The following ADCY7 variants were observed in gnomAD, a reference collection of about 807,000 sequenced individuals.
ADCY7 encodes adenylate cyclase type 7.
A neutral mutation model predicts 120.6 loss-of-function variants in ADCY7; 72 were observed. The ratio of observed to expected loss-of-function variants is 0.60; its 90% CI spans 0.49 to 0.73. The LOEUF is 0.73. ADCY7 is among the 30% of genes least tolerant of loss of function. The probability of loss-of-function intolerance (pLI) is 0.00; values close to 1 mark genes in which losing one functional copy is unlikely to be tolerated. For synonymous variants in ADCY7, 661 were observed against 628.0 expected (o/e 1.05, Z -0.78); for missense variants, 1,227 against 1,486.0 (o/e 0.83, Z 2.87).
intron 1 of ADCY7, among the ~76,000 whole-genome samples, chr16:50,247,644 T>G (rs536290745): frequency 7.4e-5 from 11 of 148,484 alleles, no homozygotes; most frequent in Non-Finnish European, 1.5e-5. Context: ...CCTCCCAAAG[T>G]GCTGAGATTA....
chr16:50,311,973 A>G, intron 20 of ADCY7, 63 bp from the exon 21 acceptor site: 1 of 1,602,022 alleles, frequency 6.2e-7, no homozygotes, highest in Non-Finnish European at 8.5e-7. Context: ...TGGCTAGGAG[A>G]TGCACAGCAG....
chr16:50,265,342 T>G (rs12923916), upstream of ADCY7, among the ~76,000 whole-genome samples: 4 of 152,056 alleles, frequency 2.6e-5, no homozygotes, highest in Admixed American at 6.5e-5. Context: ...CACTCCCTCC[T>G]GTGGCCTCTG....
chr16:50,315,451 G>A lies in ADCY7; in HGVS notation c.3189G>A (p.Arg1063=), dbSNP rs2036757933. Residue 1063 remains arginine, a synonymous_variant, in exon 26 of 26, where the codon AGG becomes AGA. Transcript: ENST00000673801. ...ACGTCAAAGGCAAAGGCGAGCTGAG[G>A]ACTTACTTTGTCTGTACGGACACTG... is the stretch of plus-strand genomic sequence containing the variant. The part of the protein sequence containing the change: ...LINVKGKGEL[R]TYFVCTDTAK... 1 of 1,614,056 alleles carries A rather than the reference G, an allele frequency of 6.2e-7. No individual in the cohort carries two copies. Among genetic ancestry groups the A allele is most frequent in the Admixed American group, 1.7e-5 (1 of 60,002 alleles).
chr16:50,282,992 A>G (rs2034370818), intron 1 of ADCY7, among the ~76,000 whole-genome samples: 1 of 152,076 alleles, frequency 6.6e-6, no homozygotes, highest in Non-Finnish European at 1.5e-5. Flanking sequence ...GGAAAGTGTG[A>G]TGGAGGGATG....
intron 1 of ADCY7, among the ~76,000 whole-genome samples, chr16:50,276,035 C>T (rs1442502702): frequency 6.6e-6 from 1 of 152,322 alleles, no homozygotes; most frequent in African/African-American, 2.4e-5. Context: ...GGTACTGTGC[C>T]GTCTCCTGCC....
chr16:50,294,807 C>A (rs1272162820), intron 7 of ADCY7, 56 bp downstream of exon 7: 8 of 1,261,314 alleles, frequency 6.3e-6, no homozygotes, highest in Non-Finnish European at 9.1e-6. Flanking sequence ...CCTATTACAC[C>A]CCAGGGGTGT....
chr16:50,249,445 AAACAAC>A (rs57815436), intron 1 of ADCY7, among the ~76,000 whole-genome samples: 32 of 150,166 alleles, frequency 2.1e-4, no homozygotes, highest in South Asian at 8.6e-4. Context: ...ACTCCGTCTA[AAACAAC>A]AACAACAACA....
At chr16:50,267,165 C>T (rs1596812253) in intron 1 of ADCY7, among the ~76,000 whole-genome samples, 2 of 152,226 alleles carry the variant, frequency 1.3e-5, no homozygotes, top group Non-Finnish European at 2.9e-5. Context: ...GGTCAGGAAA[C>T]CAAGATGCCT....
chr16:50,308,289 G>A (rs2036212981), intron 15 of ADCY7, 38 bp from the exon 16 acceptor site: 2 of 1,613,966 alleles, frequency 1.2e-6, no homozygotes, highest in Admixed American at 1.7e-5. Flanking sequence ...CTGGGCAGAA[G>A]GCCCTAGGCA....
intron 5 of ADCY7, among the ~76,000 whole-genome samples, 169 bp downstream of exon 5, chr16:50,292,994 C>T (rs1034394079): frequency 2.0e-5 from 3 of 152,126 alleles, no homozygotes; most frequent in Non-Finnish European, 4.4e-5. Context: ...GCCTGCTGAC[C>T]CTTGACTCTG....
chr16:50,309,805 C>T (rs928004937), intron 18 of ADCY7, among the ~76,000 whole-genome samples, 159 bp downstream of exon 18: 1 of 152,210 alleles, frequency 6.6e-6, no homozygotes, highest in African/African-American at 2.4e-5. Flanking sequence ...AGCAGGGTCC[C>T]ATGGGCCCAG....
At chr16:50,306,295 C>T (rs1490032685) in intron 14 of ADCY7, among the ~76,000 whole-genome samples, 1 of 148,314 alleles carries the variant, frequency 6.7e-6, no homozygotes, top group Non-Finnish European at 1.5e-5. Flanking sequence ...CCTCGGCACC[C>T]ACATTATATA....
intron 1 of ADCY7, among the ~76,000 whole-genome samples, chr16:50,256,119 A>G (rs1158838817): frequency 6.6e-6 from 1 of 152,206 alleles, no homozygotes; most frequent in African/African-American, 2.4e-5. Flanking sequence ...CATGGCAAAG[A>G]AAACAGGTAA....
intron 2 of ADCY7, 92 bp from the exon 3 acceptor site, chr16:50,290,365 G>GT: frequency 1.4e-6 from 2 of 1,409,092 alleles, no homozygotes; most frequent in Non-Finnish European, 2.0e-6. Context: ...GGAGGAAGCT[G>GT]TAAGTGAGGC....
chr16:50,260,394 A>G (rs533061427), intron 1 of ADCY7, among the ~76,000 whole-genome samples: 37 of 152,292 alleles, frequency 2.4e-4, no homozygotes, highest in African/African-American at 8.7e-4. Flanking sequence ...GGAGAAAGAG[A>G]GGACTTGAGA....
chr16:50,288,493 T>C lies in ADCY7; in HGVS notation c.171+143T>C, dbSNP rs2034724843. The C allele has an allele frequency of 3.0e-6, 3 of 1,002,400 alleles. No individual in the cohort carries two copies. In the East Asian group the frequency reaches 8.5e-5, roughly 29 times the overall value. The allele number at this position is 1,002,400 out of a possible 1,614,324, so 62.1% of individuals were successfully genotyped here. ...TTGTTTTGTTTTGTTTTTGGGTTTT[T>C]TTGAGACAGAGTCTCACTCTGTCAC... is the stretch of plus-strand genomic sequence containing the variant. On this transcript the variant is annotated intron_variant, in intron 2 of 25. Coordinates refer to ENST00000673801, the MANE Select transcript of ADCY7 (RefSeq NM_001114.5).
chr16:50,285,611 G>A (rs1288937617), intron 1 of ADCY7, among the ~76,000 whole-genome samples: 7 of 152,194 alleles, frequency 4.6e-5, no homozygotes, highest in African/African-American at 7.2e-5. Flanking sequence ...GAGCTGTCCC[G>A]TGTCTCACAG....
intron 1 of ADCY7, among the ~76,000 whole-genome samples, chr16:50,268,530 T>C (rs1302605502): frequency 6.6e-6 from 1 of 152,188 alleles, no homozygotes; most frequent in Non-Finnish European, 1.5e-5. Flanking sequence ...CCTTCTAAAG[T>C]GCTGGGATTA....
chr16:50,312,792 T>TGGGCA (rs1432949282), intron 21 of ADCY7, 98 bp from the exon 22 acceptor site: 13 of 1,095,674 alleles, frequency 1.2e-5, no homozygotes, highest in Non-Finnish European at 1.5e-5. Flanking sequence ...AAAGCTGGGC[T>TGGGCA]GGGCAGTTCA....
Sources: allele counts gnomAD v4.1 joint callset (sites outside exome capture counted in the v4.1 genomes callset), GRCh38; gene constraint gnomAD v4.1.1; transcripts MANE v1.5; gene names NCBI Gene and HGNC (gene_info 2026-07-23, HGNC 2026-07-21).